The following TGFBR3 variants were observed in gnomAD, a reference collection of about 807,000 sequenced individuals.
TGFBR3 encodes transforming growth factor beta receptor 3, also known as transforming growth factor beta receptor type 3.
A neutral mutation model predicts 87.9 loss-of-function variants in TGFBR3; 46 were observed. The ratio of observed to expected loss-of-function variants is 0.52; its 90% CI spans 0.41 to 0.67. TGFBR3 has a LOEUF of 0.67. Among genes scored for constraint, TGFBR3 ranks in the 30% least tolerant of loss-of-function variants. TGFBR3 has a pLI of 0.00. For synonymous variants in TGFBR3, 381 were observed against 391.6 expected, an observed-to-expected ratio of 0.97 and a Z score of 0.32; for missense variants, 866 against 1,041.9, an observed-to-expected ratio of 0.83 and a Z score of 2.32.
chr1:91,877,368 C>T (rs1678847034), intron 1 of TGFBR3, among the ~76,000 whole-genome samples: 1 of 152,008 alleles, frequency 6.6e-6, no homozygotes, highest in Non-Finnish European at 1.5e-5. Flanking sequence ...CACTCTGTCA[C>T]CCAGGCTGGA....
intron 1 of TGFBR3, among the ~76,000 whole-genome samples, chr1:91,870,416 TAGAA>T (rs1212183205): frequency 1.5e-4 from 23 of 152,220 alleles, no homozygotes; most frequent in Non-Finnish European, 3.2e-4. Context: ...AACCAAAAAT[TAGAA>T]AGGCTCAACG....
At chr1:91,869,699 T>C (rs1277468779) in intron 1 of TGFBR3, among the ~76,000 whole-genome samples, 1 of 152,166 alleles carries the variant, frequency 6.6e-6, no homozygotes, top group East Asian at 1.9e-4. Context: ...TACAGCAGGA[T>C]GATAAATTAG....
chr1:91,792,954 G>A (rs900395838), intron 3 of TGFBR3, among the ~76,000 whole-genome samples: 26 of 152,186 alleles, frequency 1.7e-4, no homozygotes, highest in Admixed American at 9.8e-4. Flanking sequence ...CAAATGAGAG[G>A]TGTGTTCTCA....
At position 91,790,100 on chromosome 1, in the gene TGFBR3, A is replaced by AAG. The variant is rs1243406577; in HGVS notation, c.246+7185_246+7186dup. The stretch of plus-strand genomic sequence containing the variant: ...GGCAGGTGGGGAGAGACAGAGAAAA[A>AAG]AGAGAGAGAGAGAGAAATAGTACAG... On this transcript the variant is annotated intron_variant, in intron 3 of 16. Coordinates refer to ENST00000212355, the MANE Select transcript of TGFBR3 (RefSeq NM_003243.5). Among the ~76,000 whole-genome samples the AAG allele has an allele frequency of 3.9e-5, 6 of 152,072 alleles. No individual in the cohort carries two copies. The East Asian group carries it at 9.7e-4, about 24-fold the overall frequency.
rs147491475 is a variant in TGFBR3 at position 91,703,722 on chromosome 1, G to C, written c.2287+4941C>G. Among the ~76,000 whole-genome samples the C allele has an allele frequency of 1.8e-3, 268 of 152,292 alleles. 1 individual carries two copies. Among genetic ancestry groups the C allele is most frequent in the African/African-American group, 6.3e-3 (263 of 41,566 alleles). On this transcript the variant is annotated intron_variant, in intron 14 of 16. Transcript: ENST00000212355. ...GCGGTCACAGAATCCAAGGCAAACA[G>C]CACTAATATGCCTATACTTCAAAAT...
At chr1:91,788,283 T>C (rs1675049601) in intron 3 of TGFBR3, among the ~76,000 whole-genome samples, 1 of 152,144 alleles carries the variant, frequency 6.6e-6, no homozygotes, top group African/African-American at 2.4e-5. Flanking sequence ...CTAGCAGCCC[T>C]TGAGTTGTTC....
Position 91,695,693 on chromosome 1 carries a change from A to G in TGFBR3, c.2416T>C (p.Trp806Arg), listed in dbSNP as rs1340395129. The change falls in exon 16 of 17, where the codon TGG (tryptophan) becomes CGG (arginine). Residue 806 changes from tryptophan to arginine, a missense_variant. By Grantham distance (101) the Trp-to-Arg change is moderately radical. Transcript: ENST00000212355. ...VIGALLTGAL[W>R]YIYSHTGETA... ...TAACCTGTGTGAGAATAGATGTACC[A>G]CAAGGCCCCCGTCAGGAGTGCTCCG... The G allele has an allele frequency of 1.2e-6, 2 of 1,614,164 alleles. No individual in the cohort carries two copies. Among genetic ancestry groups the G allele is most frequent in the Non-Finnish European group, 8.5e-7 (1 of 1,179,986 alleles).
chr1:91,895,497 T>G (rs1320156725), intron 2 of TGFBR3, among the ~76,000 whole-genome samples: 3 of 152,136 alleles, frequency 2.0e-5, no homozygotes, highest in Admixed American at 1.3e-4. Flanking sequence ...TTTCTTTATT[T>G]TTTTAGAGAG....
chr1:91,848,712 A>C (rs1466420396), intron 2 of TGFBR3, among the ~76,000 whole-genome samples: 3 of 152,236 alleles, frequency 2.0e-5, no homozygotes, highest in African/African-American at 7.2e-5. Flanking sequence ...CACTGTAAGA[A>C]GCACTTCTGC....
At chr1:91,780,174 T>G (rs1674710694) in intron 3 of TGFBR3, among the ~76,000 whole-genome samples, 1 of 152,116 alleles carries the variant, frequency 6.6e-6, no homozygotes, top group African/African-American at 2.4e-5. Context: ...CATTCCCAGG[T>G]TTAGGGGTTA....
upstream of TGFBR3, among the ~76,000 whole-genome samples, chr1:91,890,556 A>G (rs1311599853): frequency 1.3e-5 from 2 of 151,246 alleles, no homozygotes; most frequent in African/African-American, 4.9e-5. Context: ...AGTAGCTGGG[A>G]CTAAAGGCAC....
chr1:91,840,815 C>CTTT (rs35003643), intron 2 of TGFBR3, among the ~76,000 whole-genome samples: 1 of 147,040 alleles, frequency 6.8e-6, no homozygotes, highest in Non-Finnish European at 1.5e-5. Flanking sequence ...TGTTCATTTT[C>CTTT]TTTTTTTTTT....
intron 2 of TGFBR3, among the ~76,000 whole-genome samples, chr1:91,824,310 C>T (rs1458020861): frequency 6.6e-6 from 1 of 152,120 alleles, no homozygotes; most frequent in East Asian, 1.9e-4. Context: ...CATTAATATT[C>T]ACACTGCATT....
chr1:91,750,128 T>G (rs1290181838), intron 4 of TGFBR3, among the ~76,000 whole-genome samples: 1 of 152,212 alleles, frequency 6.6e-6, no homozygotes, highest in Non-Finnish European at 1.5e-5. Flanking sequence ...CACACAGACA[T>G]GACGCAAGTC....
At chr1:91,718,011 T>A (rs921433419) in intron 10 of TGFBR3, among the ~76,000 whole-genome samples, 1 of 152,156 alleles carries the variant, frequency 6.6e-6, no homozygotes, top group African/African-American at 2.4e-5. Context: ...AGACACTGGA[T>A]AACTGAACGA....
chr1:91,776,608 C>T (rs1192242502), intron 3 of TGFBR3, among the ~76,000 whole-genome samples: 4 of 152,186 alleles, frequency 2.6e-5, no homozygotes. Flanking sequence ...TTTTGTAATT[C>T]TCTGGAAAGA....
chr1:91,739,856 G>A (rs1487759452), intron 4 of TGFBR3, among the ~76,000 whole-genome samples: 4 of 152,222 alleles, frequency 2.6e-5, no homozygotes, highest in African/African-American at 9.6e-5. Context: ...AGGTGAAGAG[G>A]AAGCAGGCGT....
At chr1:91,886,331 TC>T, upstream of TGFBR3, 1 of 372,530 alleles carries the variant, frequency 2.7e-6, no homozygotes, top group Non-Finnish European at 5.3e-6. Context: ...TCCTCTCTCC[TC>T]CCCCTTTGCC....
chr1:91,849,413 C>T lies in TGFBR3; in HGVS notation c.61+12058G>A, dbSNP rs143806770. Among the ~76,000 whole-genome samples the T allele has an allele frequency of 2.6e-5, 4 of 152,280 alleles. No individual in the cohort carries two copies. The East Asian group carries it at 7.7e-4, about 29-fold the overall frequency. On this transcript the variant is annotated intron_variant, in intron 2 of 16. Coordinates refer to ENST00000212355, the MANE Select transcript of TGFBR3 (RefSeq NM_003243.5). ...TGCCTGAGCACTGCAAGCAAACTTCCACCACAGGGCCTCTGCACTTGCTTT... is the reference window on the plus strand; with the variant it reads ...TGCCTGAGCACTGCAAGCAAACTTCTACCACAGGGCCTCTGCACTTGCTTT...
Sources: gnomAD v4.1 joint callset for allele counts (sites outside exome capture counted in the v4.1 genomes callset) on GRCh38, gnomAD v4.1.1 for gene constraint, MANE v1.5 for transcripts, NCBI Gene and HGNC (gene_info 2026-07-23, HGNC 2026-07-21) for gene names.